The following CSNK1G1 variants were observed in gnomAD, a reference collection of about 807,000 sequenced individuals.
The protein encoded by CSNK1G1 is casein kinase I isoform gamma-1.
CSNK1G1 carries 22 observed loss-of-function variants against 59.6 expected under a neutral mutation model. The observed-to-expected ratio is 0.37, with a 90% CI of 0.26 to 0.53. The LOEUF (loss-of-function observed/expected upper bound fraction) is 0.53, where lower values mean the gene tolerates loss of function less well. CSNK1G1 is among the 20% of genes least tolerant of loss of function. The pLI is 0.89. For synonymous variants in CSNK1G1, 179 were observed against 177.1 expected (o/e 1.01, Z -0.08); for missense variants, 384 against 519.5 (o/e 0.74, Z 2.54).
At chr15:64,342,757 G>A (rs1897742109) in intron 1 of CSNK1G1, 2 of 152,164 alleles carry the variant, frequency 1.3e-5, no homozygotes, top group South Asian at 2.1e-4. Context: ...CCCTGCTTAT[G>A]AGCACATCAA....
At chr15:64,258,922 TCA>T (rs1009756944) in intron 3 of CSNK1G1, among the ~76,000 whole-genome samples, 7 of 152,282 alleles carry the variant, frequency 4.6e-5, no homozygotes, top group South Asian at 2.1e-4. Context: ...AAGATTAAGT[TCA>T]CAGAGTTACT....
Position 64,165,919 on chromosome 15 carries a change from T to C in CSNK1G1, c.*6012A>G. The C allele has an allele frequency of 1.8e-6, 1 of 571,294 alleles. No homozygotes were observed. The allele number at this position is 571,294 out of a possible 1,614,324, so 35.4% of individuals were successfully genotyped here. On this transcript the variant is annotated 3_prime_UTR_variant, in exon 12 of 12. Transcript: ENST00000303052. The stretch of plus-strand genomic sequence containing the variant: ...TTCCATTTTCTCCAAAGAAGGCTAC[T>C]TCCTCTGCAGAGAAGATTTTCCTAA...
rs7169378 is a variant in CSNK1G1 at position 64,278,168 on chromosome 15, T to C, written c.182-18927A>G. Among the ~76,000 whole-genome samples, 1,262 of 151,022 alleles carry C rather than the reference T, an allele frequency of 8.4e-3. 18 individuals carry two copies. The highest frequency in any genetic ancestry group is 0.029 in the African/African-American group (1,186 of 41,370). On this transcript the variant is annotated intron_variant, in intron 2 of 11. Coordinates refer to ENST00000303052, the MANE Select transcript of CSNK1G1 (RefSeq NM_022048.5). ...TTCAAGCAATTCTCCCACCTCGGCCTCCCGAGTAGCTGGGATTACACGTGC... is the reference window on the plus strand; with the variant it reads ...TTCAAGCAATTCTCCCACCTCGGCCCCCCGAGTAGCTGGGATTACACGTGC...
At chr15:64,301,626 G>A (rs1296655599) in intron 1 of CSNK1G1, among the ~76,000 whole-genome samples, 1 of 152,118 alleles carries the variant, frequency 6.6e-6, no homozygotes, top group Admixed American at 6.6e-5. Context: ...GGTGGCTCAC[G>A]CCTGTAATCC....
At chr15:64,321,411 A>G (rs1896559282) in intron 1 of CSNK1G1, among the ~76,000 whole-genome samples, 2 of 151,894 alleles carry the variant, frequency 1.3e-5, no homozygotes, top group South Asian at 4.2e-4. Flanking sequence ...ACATACCACC[A>G]TGCCCAGCTA....
At chr15:64,312,175 T>C (rs1000258159) in intron 1 of CSNK1G1, among the ~76,000 whole-genome samples, 1 of 152,212 alleles carries the variant, frequency 6.6e-6, no homozygotes, top group Non-Finnish European at 1.5e-5. Context: ...ATAGCCATAC[T>C]GCCCAAAGTA....
In CSNK1G1 at chr15:64,170,832, G is replaced by A. The variant is rs1596040742; in HGVS notation, c.*1099C>T. 6.6e-6 allele frequency: 1 copy of A among 152,428 alleles called. No individual in the cohort carries two copies. The highest frequency in any genetic ancestry group is 1.5e-5 in the Non-Finnish European group (1 of 68,010). The allele number at this position is 152,428 out of a possible 1,614,324, so 9.4% of individuals were successfully genotyped here. ...CTGTTTCCTGGTCACAGTCTGGCTC[G>A]GCTGGCTCATCTCATGTTCTGGAGA... On this transcript the variant is annotated 3_prime_UTR_variant, in exon 12 of 12. Coordinates refer to ENST00000303052, the MANE Select transcript of CSNK1G1 (RefSeq NM_022048.5).
chr15:64,273,164 T>C (rs911548054), intron 2 of CSNK1G1, among the ~76,000 whole-genome samples: 4 of 152,230 alleles, frequency 2.6e-5, no homozygotes, highest in African/African-American at 9.6e-5. Flanking sequence ...TGAAAGTTAT[T>C]ATCACAAAGG....
chr15:64,298,773 G>A (rs976516214), intron 2 of CSNK1G1, among the ~76,000 whole-genome samples: 2 of 151,964 alleles, frequency 1.3e-5, no homozygotes, highest in African/African-American at 4.8e-5. Context: ...GGCTCAGCCT[G>A]TAATCCCAGC....
intron 2 of CSNK1G1, chr15:64,265,823 T>C (rs185038480): frequency 4.4e-6 from 2 of 456,598 alleles, no homozygotes; most frequent in East Asian, 1.4e-4. Flanking sequence ...CTTATGCCTA[T>C]TACTGCCAGC....
At chr15:64,217,022 T>A (rs1002595220) in intron 4 of CSNK1G1, among the ~76,000 whole-genome samples, 2 of 152,262 alleles carry the variant, frequency 1.3e-5, no homozygotes, top group Admixed American at 1.3e-4. Flanking sequence ...CCCAAAAGGA[T>A]GCCTGAAAGT....
At chr15:64,184,115 A>G (rs1207528644) in intron 10 of CSNK1G1, among the ~76,000 whole-genome samples, 1 of 151,966 alleles carries the variant, frequency 6.6e-6, no homozygotes, top group Non-Finnish European at 1.5e-5. Flanking sequence ...CATCCTGACT[A>G]ACACGGTGAA....
chr15:64,268,339 A>C (rs1893092971), intron 2 of CSNK1G1, among the ~76,000 whole-genome samples: 1 of 152,194 alleles, frequency 6.6e-6, no homozygotes, highest in African/African-American at 2.4e-5. Context: ...AAGAGGAATA[A>C]GGAAAGGTTT....
chr15:64,319,687 G>C (rs1042643701), intron 1 of CSNK1G1, among the ~76,000 whole-genome samples: 4 of 151,708 alleles, frequency 2.6e-5, no homozygotes, highest in African/African-American at 7.3e-5. Context: ...TGGGATTACA[G>C]GCGCATGCCG....
chr15:64,249,893 TG>T (rs1218479801), intron 4 of CSNK1G1, among the ~76,000 whole-genome samples: 1 of 152,194 alleles, frequency 6.6e-6, no homozygotes, highest in Non-Finnish European at 1.5e-5. Flanking sequence ...TCTGATTTGG[TG>T]GATCTATTTG....
chr15:64,216,663 CATT>C lies in CSNK1G1; in HGVS notation c.340_342del (p.Asn114del). The C allele has an allele frequency of 6.2e-7, 1 of 1,613,980 alleles. No individual in the cohort carries two copies. Among genetic ancestry groups the C allele is most frequent in the Non-Finnish European group, 8.5e-7 (1 of 1,179,880 alleles). ...GGGCCAAGGAGCTCCAGCACCATGG[CATT>C]ATATTTCCCACATGGTCCAAAGTAA... is the stretch of plus-strand genomic sequence containing the variant. On this transcript the variant is annotated inframe_deletion, in exon 5 of 12. Transcript: ENST00000303052. This position sits in a 1 kb window ranked among gnomAD's most constrained non-coding sequence, Gnocchi z 4.6.
At chr15:64,218,551 AT>A (rs1189929809) in intron 4 of CSNK1G1, among the ~76,000 whole-genome samples, 2 of 149,614 alleles carry the variant, frequency 1.3e-5, no homozygotes, top group East Asian at 2.0e-4. Flanking sequence ...GTGTCCACCA[AT>A]TTTTTTTTGC....
chr15:64,333,555 T>C (rs1897232524), intron 1 of CSNK1G1, among the ~76,000 whole-genome samples: 1 of 143,992 alleles, frequency 6.9e-6, no homozygotes, highest in South Asian at 2.4e-4. Context: ...TAGGTAACAA[T>C]CAACATGATG....
At chr15:64,281,133 C>T (rs1439659292) in intron 2 of CSNK1G1, among the ~76,000 whole-genome samples, 3 of 152,200 alleles carry the variant, frequency 2.0e-5, no homozygotes, top group Non-Finnish European at 2.9e-5. Context: ...CCTGCCTCGG[C>T]GTCCCAAAGT....
Sources: allele counts gnomAD v4.1 joint callset (sites outside exome capture counted in the v4.1 genomes callset), GRCh38; gene constraint gnomAD v4.1.1; non-coding constraint Gnocchi (gnomAD v3.1); transcripts MANE v1.5; gene names NCBI Gene and HGNC (gene_info 2026-07-23, HGNC 2026-07-21).